Variants in AGAP1 observed in about 807,000 individuals in gnomAD.
The protein encoded by AGAP1 is arf-GAP with GTPase, ANK repeat and PH domain-containing protein 1.
Under a neutral mutation model 105.3 loss-of-function variants are expected in AGAP1, and 29 were observed. That is an observed-to-expected ratio of 0.28 (90% CI 0.21 to 0.38). AGAP1 has a LOEUF of 0.38. Among genes scored for constraint, AGAP1 ranks in the 10% least tolerant of loss-of-function variants. The pLI, the probability that AGAP1 is intolerant of heterozygous loss-of-function variation, is 1.00. For missense variants in AGAP1, 998 were observed against 1,165.1 expected (o/e 0.86, Z 2.09); for synonymous variants, 509 against 485.9 (o/e 1.05, Z -0.63).
In AGAP1 at chr2:235,994,008, G is replaced by A. The variant is rs771228508; in HGVS notation, c.1645+25385G>A. Among the ~76,000 whole-genome samples the A allele has an allele frequency of 1.1e-4, 17 of 152,010 alleles. No individual in the cohort carries two copies. Among genetic ancestry groups the A allele is most frequent in the African/African-American group, 3.9e-4 (16 of 41,366 alleles). ...TTTTTTTTTAGCTTGGGAAAGTTACGATGACCCATAAGCCTGCTCCACAGG... is the reference window on the plus strand; with the variant it reads ...TTTTTTTTTAGCTTGGGAAAGTTACAATGACCCATAAGCCTGCTCCACAGG... On this transcript the variant is annotated intron_variant, in intron 13 of 17. Coordinates refer to ENST00000304032, the MANE Select transcript of AGAP1 (RefSeq NM_001037131.3). This position sits in a 1 kb window ranked among gnomAD's most constrained non-coding sequence, Gnocchi z 4.4.
intron 1 of AGAP1, among the ~76,000 whole-genome samples, chr2:235,564,838 C>T (rs1332382756): frequency 6.8e-6 from 1 of 146,328 alleles, no homozygotes. Flanking sequence ...GGACCAGCAC[C>T]CACGGCCAGG....
chr2:235,838,251 A>G (rs1960398628), intron 9 of AGAP1, among the ~76,000 whole-genome samples: 1 of 152,016 alleles, frequency 6.6e-6, no homozygotes, highest in African/African-American at 2.4e-5. Flanking sequence ...AGTTTGTTTA[A>G]CACATTTAAT....
chr2:235,754,720 C>T lies in AGAP1; in HGVS notation c.673+4232C>T, dbSNP rs2149737521. On this transcript the variant is annotated intron_variant, in intron 6 of 17. Transcript: ENST00000304032. The surrounding 1 kb of genome is among the most constrained non-coding windows in gnomAD (Gnocchi z 4.6). ...AGCCTAGCAGGCTGGTTCATCCACC[C>T]AGTCACTCGTTCATCTGAGCACCAG... 6.6e-6 allele frequency among the ~76,000 whole-genome samples: 1 copy of T among 152,324 alleles called. No homozygotes were observed. The highest frequency in any genetic ancestry group is 2.1e-4 in the South Asian group (1 of 4,828).
chr2:236,017,320 AT>A (rs2056740392), intron 13 of AGAP1, among the ~76,000 whole-genome samples: 1 of 151,988 alleles, frequency 6.6e-6, no homozygotes, highest in Non-Finnish European at 1.5e-5. Context: ...ACATTACAGA[AT>A]TTATAAAATT....
At chr2:235,498,353 G>A (rs192991654) in intron 1 of AGAP1, among the ~76,000 whole-genome samples, 4 of 151,796 alleles carry the variant, frequency 2.6e-5, no homozygotes, top group Non-Finnish European at 5.9e-5. Flanking sequence ...AAGCATTGCT[G>A]ATTGTTCCAG....
intron 16 of AGAP1, chr2:236,049,818 T>TA (rs1282485563): frequency 4.6e-5 from 7 of 152,540 alleles, no homozygotes; most frequent in Admixed American, 3.9e-4. Flanking sequence ...TTATCCAGTG[T>TA]AAAAAACGCA....
At chr2:235,898,817 G>GT (rs1292262211) in intron 10 of AGAP1, among the ~76,000 whole-genome samples, 1 of 152,158 alleles carries the variant, frequency 6.6e-6, no homozygotes, top group Non-Finnish European at 1.5e-5. Flanking sequence ...TCGGAGGAGA[G>GT]TGGAGGCACT....
At chr2:236,026,564 A>T (rs1437006607) in intron 13 of AGAP1, among the ~76,000 whole-genome samples, 2 of 152,136 alleles carry the variant, frequency 1.3e-5, no homozygotes, top group Non-Finnish European at 2.9e-5. Context: ...CCTCAGCTCT[A>T]CTAAAAATAC....
rs1949672435 is a variant in AGAP1 at position 235,690,177 on chromosome 2, C to T, written c.164-19002C>T. ...ACTGAGGGATCTCACTTGCTACCTG[C>T]TTGGAGCCAGTCCAGTGGCTTCACT... On this transcript the variant is annotated intron_variant, in intron 1 of 17. Transcript: ENST00000304032. The surrounding 1 kb of genome is among the most constrained non-coding windows in gnomAD (Gnocchi z 4.1). 6.6e-6 allele frequency among the ~76,000 whole-genome samples: 1 copy of T among 152,048 alleles called. No homozygotes were observed. The highest frequency in any genetic ancestry group is 1.5e-5 in the Non-Finnish European group (1 of 67,996).
At chr2:235,852,572 GAATA>G in intron 9 of AGAP1, 1 of 1,028,226 alleles carries the variant, frequency 9.7e-7, no homozygotes, top group Non-Finnish European at 1.3e-6. Context: ...ATCTCTTAAT[GAATA>G]GAGACTGCTG....
At chr2:235,928,036 C>A (rs2052537999) in intron 11 of AGAP1, among the ~76,000 whole-genome samples, 1 of 152,200 alleles carries the variant, frequency 6.6e-6, no homozygotes. Context: ...GGTGTCCCTG[C>A]AGGTAGAGCA....
In AGAP1 at chr2:236,096,578, T is replaced by A. The variant is rs1177075959; in HGVS notation, c.2115-23614T>A. On this transcript the variant is annotated intron_variant, in intron 16 of 17. Coordinates refer to ENST00000304032, the MANE Select transcript of AGAP1 (RefSeq NM_001037131.3). The surrounding 1 kb of genome is among the most constrained non-coding windows in gnomAD (Gnocchi z 4.4). ...ACAAATGATGCAGTTTTATTTTTTA[T>A]TTATTTTTTATTTTTTTGGGACAGA... Among the ~76,000 whole-genome samples the A allele has an allele frequency of 6.6e-6, 1 of 151,944 alleles. No homozygotes were observed. The highest frequency in any genetic ancestry group is 1.5e-5 in the Non-Finnish European group (1 of 67,982).
intron 1 of AGAP1, among the ~76,000 whole-genome samples, chr2:235,654,793 T>C (rs751601421): frequency 1.5e-4 from 23 of 152,194 alleles, no homozygotes; most frequent in Non-Finnish European, 2.9e-4. Context: ...CCATCACTAG[T>C]CTCTGCTTTA....
intron 12 of AGAP1, among the ~76,000 whole-genome samples, chr2:235,943,889 A>G (rs2053374600): frequency 6.6e-6 from 1 of 152,156 alleles, no homozygotes; most frequent in Non-Finnish European, 1.5e-5. Flanking sequence ...TTCAATGAAT[A>G]TATCATGTTA....
intron 6 of AGAP1, among the ~76,000 whole-genome samples, chr2:235,783,979 C>T (rs962560055): frequency 3.4e-5 from 5 of 147,602 alleles, no homozygotes; most frequent in African/African-American, 4.9e-5. Context: ...GACGGACGGA[C>T]GGATGGACGG....
chr2:235,941,874 G>T (rs995543549), intron 12 of AGAP1, among the ~76,000 whole-genome samples: 2 of 152,054 alleles, frequency 1.3e-5, no homozygotes, highest in African/African-American at 4.8e-5. Context: ...GGCGGACACT[G>T]AAGGCGAAGC....
rs916479599 is a variant in AGAP1, at chr2:236,083,868, AATGGGCATGTGCGTGTGT to A, written c.2114+34591_2114+34608del. Among the ~76,000 whole-genome samples, 10 of 152,296 alleles carry A rather than the reference AATGGGCATGTGCGTGTGT, an allele frequency of 6.6e-5. No homozygotes were observed. The highest frequency in any genetic ancestry group is 1.3e-4 in the Admixed American group (2 of 15,290). Reference sequence around the variant, plus strand: ...CCCTCAATTAAATGAATCCGAGATAAATGGGCATGTGCGTGTGTATGCACACACACGTGCACACATACA... The same window carrying A: ...CCCTCAATTAAATGAATCCGAGATAAATGCACACACACGTGCACACATACA... On this transcript the variant is annotated intron_variant, in intron 16 of 17. Coordinates refer to ENST00000304032, the MANE Select transcript of AGAP1 (RefSeq NM_001037131.3). This position sits in a 1 kb window ranked among gnomAD's most constrained non-coding sequence, Gnocchi z 5.3.
intron 16 of AGAP1, among the ~76,000 whole-genome samples, chr2:236,054,826 G>A (rs779803822): frequency 5.3e-5 from 8 of 152,060 alleles, no homozygotes; most frequent in Non-Finnish European, 8.8e-5. Context: ...CACGATCACC[G>A]AGCATGGCGG....
chr2:236,116,107 C>T (rs1337846662), intron 16 of AGAP1, among the ~76,000 whole-genome samples: 1 of 151,374 alleles, frequency 6.6e-6, no homozygotes, highest in Non-Finnish European at 1.5e-5. Context: ...CACCTGGCTG[C>T]AAACTTTTGT....
Sources: gnomAD v4.1 joint callset for allele counts (sites outside exome capture counted in the v4.1 genomes callset) on GRCh38, gnomAD v4.1.1 for gene constraint, Gnocchi (gnomAD v3.1) non-coding constraint, MANE v1.5 for transcripts, NCBI Gene and HGNC (gene_info 2026-07-23, HGNC 2026-07-21) for gene names.